The following ELMO1 variants were observed in gnomAD, a reference collection of about 807,000 sequenced individuals.
ELMO1 encodes engulfment and cell motility protein 1.
ELMO1 carries 26 observed loss-of-function variants against 98.9 expected under a neutral mutation model. The ratio of observed to expected loss-of-function variants is 0.26; its 90% CI spans 0.19 to 0.36. The LOEUF is 0.36. Among genes scored for constraint, ELMO1 ranks in the 10% least tolerant of loss-of-function variants. ELMO1 has a pLI of 1.00. For synonymous variants in ELMO1, 346 were observed against 346.0 expected, an observed-to-expected ratio of 1.00 and a Z score of 0.00; for missense variants, 627 against 935.2, an observed-to-expected ratio of 0.67 and a Z score of 4.30.
chr7:37,126,300 A>AATATATATATATATAT (rs201860679), intron 14 of ELMO1, among the ~76,000 whole-genome samples: 102 of 134,104 alleles, frequency 7.6e-4, no homozygotes, highest in East Asian at 2.2e-3. Flanking sequence ...GTATAATTTA[A>AATATATATATATATAT]ATATATATAT....
chr7:37,149,281 T>C (rs899683255), intron 13 of ELMO1, among the ~76,000 whole-genome samples: 4 of 152,294 alleles, frequency 2.6e-5, no homozygotes, highest in Non-Finnish European at 4.4e-5. Context: ...CAGTGCTTTA[T>C]TTATAATAGC....
chr7:37,360,583 T>C (rs1801665282), intron 1 of ELMO1, among the ~76,000 whole-genome samples: 1 of 152,150 alleles, frequency 6.6e-6, no homozygotes, highest in African/African-American at 2.4e-5. Context: ...CTGTGGGTAG[T>C]CCTCGGTATA....
chr7:37,413,501 G>A (rs1470262932), intron 1 of ELMO1, among the ~76,000 whole-genome samples: 1 of 152,226 alleles, frequency 6.6e-6, no homozygotes, highest in East Asian at 1.9e-4. Context: ...CTGGCAAGCA[G>A]GACAATCACC....
chr7:37,046,166 C>G (rs1471096993), intron 15 of ELMO1, among the ~76,000 whole-genome samples: 8 of 152,116 alleles, frequency 5.3e-5, no homozygotes, highest in Non-Finnish European at 1.2e-4. Flanking sequence ...TCACTGTTGC[C>G]TATAACAAAT....
Position 37,394,473 on chromosome 7 carries a change from C to T in ELMO1, c.-73-51710G>A, listed in dbSNP as rs557779831. ...ACAGGAATCTCTGAAGGGTTGGAAG[C>T]CAAGTGCCAAGATCATGAAGACATT... On this transcript the variant is annotated intron_variant, in intron 1 of 21. Transcript: ENST00000310758. Among the ~76,000 whole-genome samples, 3 of 152,222 alleles carry T rather than the reference C, an allele frequency of 2.0e-5. No homozygotes were observed. The East Asian group carries it at 5.8e-4, about 29-fold the overall frequency.
Position 37,417,536 on chromosome 7 carries a change from C to T in ELMO1, c.-74+31139G>A, listed in dbSNP as rs551285019. On this transcript the variant is annotated intron_variant, in intron 1 of 21. Transcript: ENST00000310758. ...AAAATTAGCTGGGCATGGTGGTGGG[C>T]GCTTGTAGTCCCAGCTACTCGGGAG... Among the ~76,000 whole-genome samples the T allele has an allele frequency of 2.6e-5, 4 of 152,142 alleles. No individual in the cohort carries two copies. In the East Asian group the frequency reaches 5.8e-4, roughly 22 times the overall value.
At chr7:37,397,191 A>G (rs1803332756) in intron 1 of ELMO1, among the ~76,000 whole-genome samples, 1 of 152,256 alleles carries the variant, frequency 6.6e-6, no homozygotes, top group African/African-American at 2.4e-5. Flanking sequence ...AAGGAACAAC[A>G]TAAGACCCAC....
At chr7:36,897,468 T>A (rs528510622) in intron 16 of ELMO1, among the ~76,000 whole-genome samples, 1 of 152,210 alleles carries the variant, frequency 6.6e-6, no homozygotes, top group African/African-American at 2.4e-5. Context: ...GATGATAGTT[T>A]GTTCCTGTCA....
At chr7:37,404,486 A>G (rs1803669784) in intron 1 of ELMO1, among the ~76,000 whole-genome samples, 1 of 152,226 alleles carries the variant, frequency 6.6e-6, no homozygotes, top group South Asian at 2.1e-4. Context: ...GACATATCTG[A>G]CAAACAATGT....
intron 1 of ELMO1, among the ~76,000 whole-genome samples, chr7:37,376,366 C>T (rs910330658): frequency 2.0e-5 from 3 of 152,200 alleles, no homozygotes; most frequent in Non-Finnish European, 4.4e-5. Flanking sequence ...TAAGTGATAA[C>T]CAGCTATTGT....
At chr7:37,113,589 C>T (rs1355154365) in intron 14 of ELMO1, among the ~76,000 whole-genome samples, 1 of 152,096 alleles carries the variant, frequency 6.6e-6, no homozygotes, top group Non-Finnish European at 1.5e-5. Context: ...GTAAAAGGCC[C>T]AGAGACCAGA....
At chr7:37,115,237 C>G (rs1375150063) in intron 14 of ELMO1, among the ~76,000 whole-genome samples, 1 of 152,132 alleles carries the variant, frequency 6.6e-6, no homozygotes, top group Admixed American at 6.5e-5. Flanking sequence ...AGGAGTAGTT[C>G]TTAACTAATT....
At chr7:37,147,218 GT>G (rs749290953) in intron 13 of ELMO1, among the ~76,000 whole-genome samples, 5 of 152,114 alleles carry the variant, frequency 3.3e-5, no homozygotes, top group Admixed American at 1.3e-4. Context: ...AGGCACAAAG[GT>G]GCCTCATGAA....
intron 18 of ELMO1, among the ~76,000 whole-genome samples, chr7:36,881,254 C>T (rs1043297021): frequency 6.6e-6 from 1 of 152,140 alleles, no homozygotes; most frequent in African/African-American, 2.4e-5. Context: ...AAGGCTTAGA[C>T]GTTGTGTATT....
chr7:37,165,332 T>A (rs1033192907), intron 13 of ELMO1, among the ~76,000 whole-genome samples: 1 of 151,106 alleles, frequency 6.6e-6, no homozygotes, highest in Non-Finnish European at 1.5e-5. Context: ...CTTTATTTCC[T>A]TCTCCTGCCT....
chr7:37,127,599 T>G (rs1000464714), intron 14 of ELMO1, among the ~76,000 whole-genome samples: 2 of 152,202 alleles, frequency 1.3e-5, no homozygotes, highest in Non-Finnish European at 2.9e-5. Flanking sequence ...CAGCCTGTCT[T>G]GCATGTTACC....
In ELMO1 at chr7:37,246,815, T is replaced by G. The variant is rs181909755; in HGVS notation, c.414-2424A>C. Among the ~76,000 whole-genome samples the G allele has an allele frequency of 2.8e-3, 404 of 146,794 alleles. 2 individuals carry two copies. Among genetic ancestry groups the G allele is most frequent in the African/African-American group, 9.2e-3 (365 of 39,656 alleles). ...AAACAGACAGATAGATAGATAGATA[T>G]CTATCTATATATATATCTGTATATA... On this transcript the variant is annotated intron_variant, in intron 6 of 21. Transcript: ENST00000310758.
intron 13 of ELMO1, among the ~76,000 whole-genome samples, chr7:37,174,426 G>A (rs1790384087): frequency 6.6e-6 from 1 of 152,140 alleles, no homozygotes. Context: ...AATGTTTTCT[G>A]ATGATTTCTA....
At chr7:37,346,346 G>C (rs1401828908) in intron 1 of ELMO1, among the ~76,000 whole-genome samples, 1 of 152,154 alleles carries the variant, frequency 6.6e-6, no homozygotes, top group African/African-American at 2.4e-5. Context: ...TCCTCTTTGA[G>C]TAATTTTAAT....
Sources: allele counts gnomAD v4.1 joint callset (sites outside exome capture counted in the v4.1 genomes callset), GRCh38; gene constraint gnomAD v4.1.1; transcripts MANE v1.5; gene names NCBI Gene and HGNC (gene_info 2026-07-23, HGNC 2026-07-21).